SH3BGRL2: variants seen among roughly 807,000 people sequenced by gnomAD.
The protein encoded by SH3BGRL2 is SH3 domain-binding glutamic acid-rich-like protein 2.
In SH3BGRL2, 21 loss-of-function variants were observed where a neutral mutation model predicts 14.8. The observed-to-expected ratio is 1.42, with a 90% confidence interval of 1.01 to 2.05. SH3BGRL2 has a LOEUF of 2.05. Among genes scored for constraint, SH3BGRL2 ranks in the 30% most tolerant of loss-of-function variants. SH3BGRL2 has a pLI of 0.00. For synonymous variants in SH3BGRL2, 50 were observed against 47.8 expected (o/e 1.05, Z -0.19); for missense variants, 147 against 130.8 (o/e 1.12, Z -0.61).
chr6:79,694,873 C>T (rs1770300255), intron 2 of SH3BGRL2, among the ~76,000 whole-genome samples: 1 of 152,168 alleles, frequency 6.6e-6, no homozygotes, highest in East Asian at 1.9e-4. Flanking sequence ...AAAGTACTCC[C>T]CTTTTTCCCC....
chr6:79,668,958 T>A (rs1034651790), intron 1 of SH3BGRL2, among the ~76,000 whole-genome samples: 1 of 152,190 alleles, frequency 6.6e-6, no homozygotes, highest in African/African-American at 2.4e-5. Flanking sequence ...TGCTTTGGGA[T>A]TGAGAAATAC....
chr6:79,643,139 T>A (rs1033014897), intron 1 of SH3BGRL2, among the ~76,000 whole-genome samples: 1 of 152,240 alleles, frequency 6.6e-6, no homozygotes, highest in Non-Finnish European at 1.5e-5. Context: ...TCCTACAAAC[T>A]ATGATTTCTT....
rs746210818 is a variant in SH3BGRL2, at chr6:79,673,603, TCTC to T, written c.46-10_46-8del. On this transcript the variant is annotated splice_polypyrimidine_tract_variant and splice_region_variant and intron_variant, in intron 1 of 3. Coordinates refer to ENST00000369838, the MANE Select transcript of SH3BGRL2 (RefSeq NM_031469.4). Reference sequence around the variant, plus strand: ...AGCGTATCTACTTATTTGTTTGTCTTCTCTCTTTAGATAAAGAAGAAGCAGCAA... The same window carrying T: ...AGCGTATCTACTTATTTGTTTGTCTTTCTTTAGATAAAGAAGAAGCAGCAA... 54 of 1,613,028 alleles carry T rather than the reference TCTC, an allele frequency of 3.3e-5. No individual in the cohort carries two copies. Among genetic ancestry groups the T allele is most frequent in the Non-Finnish European group, 4.5e-5 (53 of 1,179,590 alleles).
the SH3BGRL2 span, among the ~76,000 whole-genome samples, chr6:79,581,078 G>A: frequency 6.6e-6 from 1 of 152,034 alleles, no homozygotes; most frequent in Non-Finnish European, 1.5e-5. Context: ...ACCCTCCCAA[G>A]AATAACCAAG....
chr6:79,623,301 CAA>C, the SH3BGRL2 span, among the ~76,000 whole-genome samples: 20,266 of 141,626 alleles, frequency 0.14, 1,429 homozygotes, highest in Non-Finnish European at 0.16. Context: ...GACTCTGCCT[CAA>C]AAAAAAAAAA....
intron 1 of SH3BGRL2, among the ~76,000 whole-genome samples, chr6:79,666,380 T>A (rs887414950): frequency 1.3e-5 from 2 of 152,186 alleles, no homozygotes; most frequent in Non-Finnish European, 2.9e-5. Flanking sequence ...CCTAGTACAC[T>A]GAGCTTTAGT....
chr6:79,639,294 A>G (rs1768986287), intron 1 of SH3BGRL2, among the ~76,000 whole-genome samples: 1 of 152,226 alleles, frequency 6.6e-6, no homozygotes, highest in South Asian at 2.1e-4. Context: ...AAAGTTTAAA[A>G]TACTTTATTA....
At chr6:79,577,294 A>T in the SH3BGRL2 span, among the ~76,000 whole-genome samples, 1 of 151,526 alleles carries the variant, frequency 6.6e-6, no homozygotes, top group South Asian at 2.1e-4. Flanking sequence ...TAAGCCTTGA[A>T]ATCAGGTAGT....
intron 2 of SH3BGRL2, among the ~76,000 whole-genome samples, chr6:79,684,224 A>G (rs1324210854): frequency 6.6e-6 from 1 of 152,176 alleles, no homozygotes; most frequent in Non-Finnish European, 1.5e-5. Context: ...TAATTTTTAC[A>G]TCCTCCATAA....
chr6:79,650,466 G>A (rs1198494221), intron 1 of SH3BGRL2, among the ~76,000 whole-genome samples: 1 of 152,170 alleles, frequency 6.6e-6, no homozygotes, highest in African/African-American at 2.4e-5. Context: ...ATAAAGAAAA[G>A]AGATTTATTT....
rs184949082 is a variant in SH3BGRL2, at chr6:79,701,465, C to T, written c.*1956C>T. 2 of 152,252 alleles carry T rather than the reference C, an allele frequency of 1.3e-5. No homozygotes were observed. Among genetic ancestry groups the T allele is most frequent in the East Asian group, 3.9e-4 (2 of 5,178 alleles). The allele number at this position is 152,252 out of a possible 1,614,324, so 9.4% of individuals were successfully genotyped here. On this transcript the variant is annotated 3_prime_UTR_variant, in exon 4 of 4. Coordinates refer to ENST00000369838, the MANE Select transcript of SH3BGRL2 (RefSeq NM_031469.4). ...GGTTATAGGATCAATACCATACTTG[C>T]TAGACAAAGCTACCCAGATTTGTCT...
the SH3BGRL2 span, among the ~76,000 whole-genome samples, chr6:79,587,554 C>T: frequency 6.6e-6 from 1 of 152,040 alleles, no homozygotes; most frequent in Non-Finnish European, 1.5e-5. Flanking sequence ...ATTTACCCTG[C>T]CAAAATTTTG....
chr6:79,553,979 AAG>A, the SH3BGRL2 span, among the ~76,000 whole-genome samples: 1 of 143,258 alleles, frequency 7.0e-6, no homozygotes, highest in Non-Finnish European at 1.6e-5. Context: ...AAAAAAAAAA[AAG>A]AAAAGAAAAG....
chr6:79,644,616 G>A (rs181582607), intron 1 of SH3BGRL2, among the ~76,000 whole-genome samples: 66 of 152,272 alleles, frequency 4.3e-4, no homozygotes, highest in African/African-American at 1.6e-3. Flanking sequence ...GACTCCAGGG[G>A]CAGGAAGACC....
the SH3BGRL2 span, among the ~76,000 whole-genome samples, chr6:79,587,666 C>T: frequency 6.6e-6 from 1 of 152,042 alleles, no homozygotes; most frequent in African/African-American, 2.4e-5. Context: ...TTTCTTCTAC[C>T]CTCTTAAGTT....
intron 1 of SH3BGRL2, among the ~76,000 whole-genome samples, chr6:79,647,510 C>T (rs1769168029): frequency 6.6e-6 from 1 of 152,162 alleles, no homozygotes; most frequent in East Asian, 1.9e-4. Context: ...GTTCAGGATG[C>T]AGAATGAGTA....
intron 2 of SH3BGRL2, among the ~76,000 whole-genome samples, chr6:79,674,804 C>A (rs1225179193): frequency 3.9e-5 from 6 of 152,194 alleles, no homozygotes; most frequent in Admixed American, 3.9e-4. Context: ...TAAGTTTGAG[C>A]ACTAGTACTG....
At chr6:79,571,722 T>A in the SH3BGRL2 span, among the ~76,000 whole-genome samples, 2 of 152,158 alleles carry the variant, frequency 1.3e-5, no homozygotes, top group African/African-American at 4.8e-5. Flanking sequence ...TGTTTATGAT[T>A]TAAGTATATG....
At chr6:79,648,150 C>G (rs1270000265) in intron 1 of SH3BGRL2, among the ~76,000 whole-genome samples, 1 of 149,280 alleles carries the variant, frequency 6.7e-6, no homozygotes, top group Non-Finnish European at 1.5e-5. Flanking sequence ...CTTCACTGAC[C>G]TTTCAGAGCT....
Sources: gnomAD v4.1 joint callset for allele counts (sites outside exome capture counted in the v4.1 genomes callset) on GRCh38, gnomAD v4.1.1 for gene constraint, MANE v1.5 for transcripts, NCBI Gene and HGNC (gene_info 2026-07-23, HGNC 2026-07-21) for gene names.